The following TMC1 variants were observed in gnomAD, a reference collection of about 807,000 sequenced individuals.
TMC1 encodes transmembrane channel-like protein 1.
In TMC1, 84 loss-of-function variants were observed where a neutral mutation model predicts 105.8. That is an observed-to-expected ratio of 0.79 (90% CI 0.67 to 0.95). The LOEUF (loss-of-function observed/expected upper bound fraction) is 0.95. Among genes scored for constraint, TMC1 ranks in the 40% least tolerant of loss-of-function variants. The pLI is 0.00. For missense variants in TMC1, 817 were observed against 914.1 expected (o/e 0.89, Z 1.37); for synonymous variants, 315 against 311.5 (o/e 1.01, Z -0.12).
At chr9:72,743,566 CAAA>C (rs386415092) in intron 10 of TMC1, among the ~76,000 whole-genome samples, 2 of 101,736 alleles carry the variant, frequency 2.0e-5, no homozygotes, top group African/African-American at 3.4e-5. Flanking sequence ...GACTCTGTTT[CAAA>C]AAAAAAAAAA....
chr9:72,769,909 A>G (rs1191024430), intron 12 of TMC1, among the ~76,000 whole-genome samples: 1 of 152,224 alleles, frequency 6.6e-6, no homozygotes. Context: ...GTCTATACTT[A>G]GCATGTTCTG....
At chr9:72,558,647 T>G (rs1209341323) in intron 1 of TMC1, among the ~76,000 whole-genome samples, 4 of 152,234 alleles carry the variant, frequency 2.6e-5, no homozygotes, top group Non-Finnish European at 4.4e-5. Flanking sequence ...TCTGTTTCTA[T>G]TTCATCTTTT....
At chr9:72,698,969 C>T (rs183165892) in intron 7 of TMC1, among the ~76,000 whole-genome samples, 4 of 152,234 alleles carry the variant, frequency 2.6e-5, no homozygotes, top group South Asian at 2.1e-4. Context: ...ACAGGAAAGA[C>T]GGAGACCCTC....
Position 72,816,533 on chromosome 9 carries a change from A to T in TMC1, c.1763+323A>T, listed in dbSNP as rs567488595. 5.3e-5 allele frequency among the ~76,000 whole-genome samples: 8 copies of T among 152,312 alleles called. No individual in the cohort carries two copies. In the South Asian group the frequency reaches 1.7e-3, roughly 32 times the overall value. ...TTAAAACATTAATAATTACATTACC[A>T]CATGATAAGTATGAAATAAATTAAC... On this transcript the variant is annotated intron_variant, in intron 19 of 23. Coordinates refer to ENST00000297784, the MANE Select transcript of TMC1 (RefSeq NM_138691.3).
chr9:72,595,872 CTTT>C (rs59299971), intron 2 of TMC1, among the ~76,000 whole-genome samples: 3 of 121,004 alleles, frequency 2.5e-5, no homozygotes. Flanking sequence ...GATGGGGTTT[CTTT>C]TTTTTTTTTT....
intron 19 of TMC1, 37 bp downstream of exon 19, chr9:72,816,247 A>G: frequency 1.3e-6 from 2 of 1,594,034 alleles, no homozygotes; most frequent in Non-Finnish European, 1.7e-6. Context: ...ACTTACAGAA[A>G]AGCCTCCCAG....
At chr9:72,787,458 A>C (rs1362898985) in intron 13 of TMC1, among the ~76,000 whole-genome samples, 1 of 152,120 alleles carries the variant, frequency 6.6e-6, no homozygotes. Flanking sequence ...TTTGGGGTTT[A>C]TATGACTATA....
chr9:72,685,100 C>CTTTTTTTTTTTTTTTT (rs71359515), intron 5 of TMC1, among the ~76,000 whole-genome samples: 5 of 91,044 alleles, frequency 5.5e-5, no homozygotes, highest in African/African-American at 2.4e-4. Flanking sequence ...TAAAGTCATT[C>CTTTTTTTTTTTTTTTT]TTTTTTTTTT....
chr9:72,794,347 T>G (rs1197866290), intron 17 of TMC1, among the ~76,000 whole-genome samples: 1 of 148,732 alleles, frequency 6.7e-6, no homozygotes. Context: ...TACAGCCAGC[T>G]CTCAAGGGGG....
intron 1 of TMC1, among the ~76,000 whole-genome samples, chr9:72,544,478 C>CTTTTTTTTT (rs71493656): frequency 1.6e-5 from 2 of 125,240 alleles, no homozygotes; most frequent in African/African-American, 6.3e-5. Flanking sequence ...GATTTTTTAA[C>CTTTTTTTTT]TTTTTTTTTT....
intron 5 of TMC1, among the ~76,000 whole-genome samples, chr9:72,676,724 C>T (rs1395994471): frequency 1.3e-5 from 2 of 152,096 alleles, no homozygotes; most frequent in Non-Finnish European, 2.9e-5. Flanking sequence ...TCTCAGGACC[C>T]AGATAAACAG....
chr9:72,668,302 T>A (rs1198173333), intron 5 of TMC1, among the ~76,000 whole-genome samples: 1 of 152,216 alleles, frequency 6.6e-6, no homozygotes, highest in Non-Finnish European at 1.5e-5. Context: ...CTGGTCATAA[T>A]TTTTGAGGAG....
At chr9:72,744,552 A>G (rs1299291550) in intron 10 of TMC1, among the ~76,000 whole-genome samples, 1 of 152,176 alleles carries the variant, frequency 6.6e-6, no homozygotes, top group Non-Finnish European at 1.5e-5. Context: ...GATACAATAT[A>G]TATAGTAAGA....
intron 1 of TMC1, among the ~76,000 whole-genome samples, chr9:72,535,240 A>G (rs570161834): frequency 9.2e-5 from 14 of 152,300 alleles, no homozygotes; most frequent in Non-Finnish European, 1.9e-4. Flanking sequence ...GTTACAAAGT[A>G]CCCCGATGTC....
intron 1 of TMC1, among the ~76,000 whole-genome samples, chr9:72,530,626 T>G (rs1823483783): frequency 6.6e-6 from 1 of 151,918 alleles, no homozygotes; most frequent in East Asian, 1.9e-4. Flanking sequence ...TTTCTGTGCT[T>G]CTTGTTTTCT....
At chr9:72,799,522 A>G (rs1828434100) in intron 17 of TMC1, among the ~76,000 whole-genome samples, 1 of 152,158 alleles carries the variant, frequency 6.6e-6, no homozygotes, top group South Asian at 2.1e-4. Context: ...GATTGAGTAC[A>G]AAAATTATGG....
intron 20 of TMC1, among the ~76,000 whole-genome samples, chr9:72,825,420 C>T (rs534969958): frequency 3.9e-5 from 6 of 152,270 alleles, no homozygotes; most frequent in South Asian, 2.1e-4. Context: ...CATGTAGATG[C>T]GTCCATAATT....
chr9:72,646,725 G>T (rs1293619643), intron 4 of TMC1, among the ~76,000 whole-genome samples: 1 of 151,690 alleles, frequency 6.6e-6, no homozygotes, highest in Non-Finnish European at 1.5e-5. Flanking sequence ...CCTCCAATGG[G>T]CCATTTTATA....
intron 1 of TMC1, among the ~76,000 whole-genome samples, chr9:72,547,891 A>G (rs1823799313): frequency 6.6e-6 from 1 of 152,216 alleles, no homozygotes; most frequent in South Asian, 2.1e-4. Flanking sequence ...ACAGTTCTGG[A>G]GGCTGGGAAG....
Sources: allele counts gnomAD v4.1 joint callset (sites outside exome capture counted in the v4.1 genomes callset), GRCh38; gene constraint gnomAD v4.1.1; transcripts MANE v1.5; gene names NCBI Gene and HGNC (gene_info 2026-07-23, HGNC 2026-07-21).